PCDHA1: variants seen among roughly 807,000 people sequenced by gnomAD.
The protein encoded by PCDHA1 is protocadherin alpha-1.
Under a neutral mutation model 61.3 loss-of-function variants are expected in PCDHA1, and 42 were observed. That is an observed-to-expected ratio of 0.69 (90% confidence interval 0.54 to 0.89). PCDHA1 has a LOEUF of 0.89. Ranked by LOEUF, PCDHA1 falls within the 40% of genes least tolerant of loss-of-function variation. The pLI is 0.00. For missense variants in PCDHA1, 1,256 were observed against 1,235.3 expected (o/e 1.02, Z -0.25); for synonymous variants, 610 against 553.8 (o/e 1.10, Z -1.43).
intron 1 of PCDHA1, chr5:140,824,046 G>C (rs2150131772): frequency 1.2e-6 from 2 of 1,614,126 alleles, no homozygotes; most frequent in Non-Finnish European, 1.7e-6. Context: ...GACAGAGGGT[G>C]TGCTCTGGGG....
chr5:140,822,224 G>A lies in PCDHA1; in HGVS notation c.2394+33540G>A, dbSNP rs2150114696. ...TTAGAGTCAAGAATGCCAGATTCGC[G>A]GTTTCCGCTAGAGGGCGCGTCGGAT... On this transcript the variant is annotated intron_variant, in intron 1 of 3. Transcript: ENST00000504120. 10 of 1,614,208 alleles carry A rather than the reference G, an allele frequency of 6.2e-6. No homozygotes were observed. In the South Asian group the frequency reaches 8.8e-5, roughly 14 times the overall value.
In PCDHA1 at chr5:140,857,559, C is replaced by T; in HGVS notation, c.2394+68875C>T. On this transcript the variant is annotated intron_variant, in intron 1 of 3. Transcript: ENST00000504120. The stretch of plus-strand genomic sequence containing the variant: ...CGGCGGTTGGGCGAGCGCTCGCTGT[C>T]GAGCTACGTGTCGGTGCACGCGGAG... 1.3e-6 allele frequency: 2 copies of T among 1,596,876 alleles called. No homozygotes were observed. Among genetic ancestry groups the T allele is most frequent in the South Asian group, 1.1e-5 (1 of 90,494 alleles).
At chr5:140,871,086 G>GGCCACC (rs782688668) in intron 1 of PCDHA1, 1 of 1,613,256 alleles carries the variant, frequency 6.2e-7, no homozygotes, top group Non-Finnish European at 8.5e-7. Context: ...TGACGGCCAC[G>GGCCACC]GCCACCGTGC....
At chr5:140,946,032 A>C (rs1440402875) in intron 1 of PCDHA1, among the ~76,000 whole-genome samples, 2 of 152,102 alleles carry the variant, frequency 1.3e-5, no homozygotes, top group Admixed American at 1.3e-4. Flanking sequence ...AGAAAACAAG[A>C]GTGAAGGGAC....
chr5:140,802,625 G>A, intron 1 of PCDHA1: 2 of 1,613,958 alleles, frequency 1.2e-6, no homozygotes, highest in Non-Finnish European at 8.5e-7. Context: ...ACATCTTCAC[G>A]GTGTCTGCGC....
intron 1 of PCDHA1, chr5:140,928,422 A>T (rs782264875): frequency 1.2e-6 from 2 of 1,614,136 alleles, no homozygotes; most frequent in Admixed American, 3.3e-5. Context: ...TCACTGCCAA[A>T]ACTTCCTTTG....
At chr5:140,929,112 C>T in intron 1 of PCDHA1, 6 of 1,614,130 alleles carry the variant, frequency 3.7e-6, no homozygotes, top group Non-Finnish European at 5.1e-6. Context: ...TGACATCAGC[C>T]ACCATAGATG....
chr5:140,903,346 A>G (rs76789733), intron 1 of PCDHA1, among the ~76,000 whole-genome samples: 12,326 of 152,302 alleles, frequency 0.081, 540 homozygotes, highest in Middle Eastern at 0.13. Context: ...TGCATTTTAA[A>G]AAACAAGTTT....
intron 1 of PCDHA1, chr5:140,795,899 A>T (rs781797873): frequency 6.2e-7 from 1 of 1,613,962 alleles, no homozygotes. Flanking sequence ...GATTATGAAG[A>T]AGCAAAGTCC....
In PCDHA1 at chr5:140,852,257, T is replaced by C. The variant is rs1417638818; in HGVS notation, c.2394+63573T>C. 5.9e-6 allele frequency: 3 copies of C among 512,112 alleles called. No individual in the cohort carries two copies. The African/African-American group carries it at 6.3e-5, about 11-fold the overall frequency. 31.7% of individuals were successfully genotyped at this position (512,112 alleles called of 1,614,324 possible). A position where few individuals can be genotyped will look rare whatever the true frequency, so the allele number is the denominator to read the frequency against. On this transcript the variant is annotated intron_variant, in intron 1 of 3. Coordinates refer to ENST00000504120, the MANE Select transcript of PCDHA1 (RefSeq NM_018900.4). ...TCCCTTAAAACACACTTTTGGAATA[T>C]GCTACAATATTACATGTTTTTTGTC...
intron 1 of PCDHA1, among the ~76,000 whole-genome samples, chr5:140,831,505 C>T (rs1412107675): frequency 7.1e-6 from 1 of 140,118 alleles, no homozygotes; most frequent in Non-Finnish European, 1.5e-5. Context: ...ACACGAGCAC[C>T]ACCATGCCCC....
intron 1 of PCDHA1, chr5:140,882,721 A>G: frequency 6.2e-7 from 1 of 1,614,170 alleles, no homozygotes; most frequent in East Asian, 2.2e-5. Context: ...CGGAAACTCG[A>G]TTTCCACTAG....
intron 1 of PCDHA1, chr5:140,967,549 T>C (rs781838911): frequency 6.2e-7 from 1 of 1,614,012 alleles, no homozygotes; most frequent in Non-Finnish European, 8.5e-7. Flanking sequence ...ACCAGTCCAC[T>C]TATCGCGTCC....
rs146952531 is a variant in PCDHA1 at position 140,951,754 on chromosome 5, G to A, written c.2395-27195G>A. Among the ~76,000 whole-genome samples the A allele has an allele frequency of 4.6e-3, 703 of 152,152 alleles. 3 individuals are homozygous for A. The highest frequency in any genetic ancestry group is 0.016 in the African/African-American group (681 of 41,502). ...TTCTGCCACTGCCCTCACCCTCCGC[G>A]AAATCTCATGACGTTCTTACATTGC... On this transcript the variant is annotated intron_variant, in intron 1 of 3. Transcript: ENST00000504120.
In PCDHA1 at chr5:140,786,536, C is replaced by T. The variant is rs1229465131; in HGVS notation, c.246C>T (p.Gly82=). The T allele has an allele frequency of 4.3e-6, 7 of 1,614,042 alleles. No homozygotes were observed. Among genetic ancestry groups the T allele is most frequent in the East Asian group, 4.5e-5 (2 of 44,896 alleles). The stretch of plus-strand genomic sequence containing the variant: ...TTCTGGAGGTAAATCTGCAGAATGG[C>T]ATTTTGTTTGTGAATTCTCGGATCG... ...RDLLEVNLQN[G]ILFVNSRIDR... Residue 82 remains glycine (G), a synonymous_variant, in exon 1 of 4, where the codon GGC becomes GGT. Transcript: ENST00000504120.
chr5:140,968,951 A>G, intron 1 of PCDHA1: 4 of 1,614,228 alleles, frequency 2.5e-6, no homozygotes, highest in Non-Finnish European at 3.4e-6. Context: ...TTTGAGCATC[A>G]TCAAGTGCTA....
intron 1 of PCDHA1, among the ~76,000 whole-genome samples, chr5:140,903,237 T>G (rs1191816509): frequency 1.3e-5 from 2 of 152,194 alleles, no homozygotes; most frequent in Non-Finnish European, 2.9e-5. Flanking sequence ...ACTTTTTGAT[T>G]TTTAAATTAT....
At chr5:141,003,122 C>A (rs782642950) in intron 3 of PCDHA1, among the ~76,000 whole-genome samples, 57 of 152,318 alleles carry the variant, frequency 3.7e-4, no homozygotes, top group African/African-American at 9.6e-4. Context: ...TGGCCCTTTC[C>A]TGGCATTTGC....
rs781964338 is a variant in PCDHA1, at chr5:140,787,587, C to A, written c.1297C>A (p.Pro433Thr). The change falls in exon 1 of 4, where the codon CCT (proline) becomes ACT (threonine). Residue 433 changes from proline to threonine, a missense_variant. Pro to Thr is a conservative substitution (Grantham distance 38). Coordinates refer to ENST00000504120, the MANE Select transcript of PCDHA1 (RefSeq NM_018900.4). ...GGTGACCGCGCGGGACGGGGGCTCG[C>A]CTTCGCTGTGGGCCACGGCCAGGGT... is the stretch of plus-strand genomic sequence containing the variant. ...LVVTARDGGS[P>T]SLWATARVSV... is the part of the protein sequence containing the mutation. 4 of 1,614,040 alleles carry A rather than the reference C, an allele frequency of 2.5e-6. No individual in the cohort carries two copies. In the African/African-American group the frequency reaches 4.0e-5, roughly 16 times the overall value.
Sources: allele counts gnomAD v4.1 joint callset (sites outside exome capture counted in the v4.1 genomes callset), GRCh38; gene constraint gnomAD v4.1.1; transcripts MANE v1.5; gene names NCBI Gene and HGNC (gene_info 2026-07-23, HGNC 2026-07-21).